The following TCF4 variants were observed in gnomAD, a reference collection of about 807,000 sequenced individuals.
The protein encoded by TCF4 is SL3-3 enhancer factor 2.
Under a neutral mutation model 82.1 loss-of-function variants are expected in TCF4, and 3 were observed. The ratio of observed to expected loss-of-function variants is 0.04; its 90% CI spans 0.02 to 0.09. TCF4 has a LOEUF of 0.09. Among genes scored for constraint, TCF4 ranks in the 10% least tolerant of loss-of-function variants. The probability of loss-of-function intolerance (pLI) is 1.00; values close to 1 mark genes in which losing one functional copy is unlikely to be tolerated. For missense variants in TCF4, 518 were observed against 852.7 expected (o/e 0.61, Z 4.89); for synonymous variants, 276 against 309.6 (o/e 0.89, Z 1.14).
At chr18:55,468,883 C>A (rs1164963783) in intron 3 of TCF4, among the ~76,000 whole-genome samples, 1 of 24,434 alleles carries the variant, frequency 4.1e-5, no homozygotes, top group Admixed American at 6.0e-4. Flanking sequence ...TAGTTCTCGC[C>A]CCCCCCCCCC....
chr18:55,257,633 C>T (rs182077337), intron 13 of TCF4: 1 of 563,138 alleles, frequency 1.8e-6, no homozygotes, highest in East Asian at 3.0e-5. Context: ...TAAAAGAGAA[C>T]ATTTAATTGA....
chr18:55,610,723 A>G (rs1452508010), intron 2 of TCF4, among the ~76,000 whole-genome samples: 1 of 152,246 alleles, frequency 6.6e-6, no homozygotes, highest in Admixed American at 6.5e-5. Flanking sequence ...TGGCAGCCCA[A>G]GACATTGCAG....
At chr18:55,331,341 A>G (rs1191847851) in intron 8 of TCF4, among the ~76,000 whole-genome samples, 3 of 152,244 alleles carry the variant, frequency 2.0e-5, no homozygotes, top group Non-Finnish European at 4.4e-5. Flanking sequence ...AGGATTCTCC[A>G]GCAAAGTTCA....
At chr18:55,343,519 T>C (rs548825710) in intron 8 of TCF4, among the ~76,000 whole-genome samples, 2 of 152,268 alleles carry the variant, frequency 1.3e-5, no homozygotes, top group South Asian at 2.1e-4. Flanking sequence ...TCTTAAAATG[T>C]TCCTTTCAAA....
At chr18:55,398,120 A>G (rs2093605831) in intron 6 of TCF4, among the ~76,000 whole-genome samples, 1 of 152,214 alleles carries the variant, frequency 6.6e-6, no homozygotes, top group Non-Finnish European at 1.5e-5. Flanking sequence ...CTAACACACC[A>G]CTACAGGGTC....
chr18:55,537,505 A>C (rs887191591), intron 3 of TCF4, among the ~76,000 whole-genome samples: 11 of 152,188 alleles, frequency 7.2e-5, no homozygotes, highest in Admixed American at 2.6e-4. Context: ...TGGGAGGATC[A>C]CTTGAGCCCA....
chr18:55,259,883 GAAGTAC>G, intron 13 of TCF4, 60 bp downstream of exon 13: 4 of 1,364,758 alleles, frequency 2.9e-6, no homozygotes, highest in Middle Eastern at 1.8e-4. Flanking sequence ...ACAAAATCAG[GAAGTAC>G]AAGGGGGGAA....
At chr18:55,389,520 G>A (rs562887578) in intron 6 of TCF4, among the ~76,000 whole-genome samples, 7 of 152,314 alleles carry the variant, frequency 4.6e-5, no homozygotes, top group African/African-American at 1.7e-4. Context: ...TTAGCTGGTA[G>A]AACAGATGTA....
chr18:55,332,382 C>G (rs575787502), intron 8 of TCF4: 19 of 151,854 alleles, frequency 1.3e-4, no homozygotes, highest in African/African-American at 4.1e-4. Flanking sequence ...ATGTTCATAA[C>G]AAAGGACCTC....
At chr18:55,631,811 C>T (rs114157369) in intron 1 of TCF4, among the ~76,000 whole-genome samples, 3,479 of 152,308 alleles carry the variant, frequency 0.023, 133 homozygotes, top group African/African-American at 0.078. Flanking sequence ...TAACCAACCT[C>T]GTTGCATCCC....
chr18:55,358,660 A>G (rs1035670581), intron 6 of TCF4, among the ~76,000 whole-genome samples: 5 of 152,238 alleles, frequency 3.3e-5, no homozygotes, highest in Non-Finnish European at 7.3e-5. Flanking sequence ...CTCACCCGCT[A>G]TCTTCTGTAA....
intron 6 of TCF4, among the ~76,000 whole-genome samples, chr18:55,353,602 T>C (rs2082774533): frequency 6.6e-6 from 1 of 152,190 alleles, no homozygotes; most frequent in Non-Finnish European, 1.5e-5. Flanking sequence ...TAAAAATATA[T>C]GTGTTCTTAT....
intron 6 of TCF4, among the ~76,000 whole-genome samples, chr18:55,359,960 G>T (rs537811946): frequency 6.6e-6 from 1 of 152,264 alleles, no homozygotes; most frequent in African/African-American, 2.4e-5. Flanking sequence ...AGTACATGGG[G>T]CTATTAAATG....
intron 3 of TCF4, among the ~76,000 whole-genome samples, chr18:55,570,700 G>A (rs1023725142): frequency 6.6e-5 from 10 of 152,008 alleles, no homozygotes; most frequent in Middle Eastern, 3.4e-3. Context: ...CGGGCAACAT[G>A]GTGAAACCCC....
At chr18:55,247,942 G>A (rs1197643616) in intron 15 of TCF4, among the ~76,000 whole-genome samples, 2 of 152,138 alleles carry the variant, frequency 1.3e-5, no homozygotes, top group African/African-American at 2.4e-5. Flanking sequence ...GGACTTTGTG[G>A]GCATTTGGAG....
chr18:55,585,477 A>G lies in TCF4; in HGVS notation c.73-125T>C. On this transcript the variant is annotated intron_variant, in intron 2 of 19. Transcript: ENST00000354452. The stretch of plus-strand genomic sequence containing the variant: ...ATGCTAAGGGTTTATTTAGTAAAAT[A>G]CATCACCATCCAACTTAAAACTAAA... 6 of 886,796 alleles carry G rather than the reference A, an allele frequency of 6.8e-6. No individual in the cohort carries two copies. In the South Asian group the frequency reaches 8.9e-5, roughly 13 times the overall value. 54.9% of individuals were successfully genotyped at this position (886,796 alleles called of 1,614,324 possible). A position where few individuals can be genotyped will look rare whatever the true frequency, so the allele number is the denominator to read the frequency against.
chr18:55,275,275 G>GGAAAAAAA (rs1555795909), intron 10 of TCF4, among the ~76,000 whole-genome samples: 1 of 71,366 alleles, frequency 1.4e-5, no homozygotes, highest in South Asian at 6.5e-4. Context: ...ACTACAGATA[G>GGAAAAAAA]AAAAAAAAAA....
At chr18:55,327,917 C>T (rs931825893) in intron 8 of TCF4, among the ~76,000 whole-genome samples, 2 of 152,178 alleles carry the variant, frequency 1.3e-5, no homozygotes, top group African/African-American at 4.8e-5. Flanking sequence ...CATTTCCCCA[C>T]TTTTCCACAT....
chr18:55,442,311 C>T (rs1055057109), intron 5 of TCF4, among the ~76,000 whole-genome samples: 4 of 152,174 alleles, frequency 2.6e-5, no homozygotes, highest in African/African-American at 4.8e-5. Flanking sequence ...CAGGCAGAAT[C>T]AAGTTGGTCT....
Sources: allele counts gnomAD v4.1 joint callset (sites outside exome capture counted in the v4.1 genomes callset), GRCh38; gene constraint gnomAD v4.1.1; transcripts MANE v1.5; gene names NCBI Gene and HGNC (gene_info 2026-07-23, HGNC 2026-07-21).